CSGALNACT1: variants seen among roughly 807,000 people sequenced by gnomAD.
The protein encoded by CSGALNACT1 is chondroitin sulfate N-acetylgalactosaminyltransferase 1, also known as beta4GalNAcT-1.
CSGALNACT1 carries 52 observed loss-of-function variants against 51.0 expected under a neutral mutation model. That is an observed-to-expected ratio of 1.02 (90% confidence interval 0.82 to 1.29). The LOEUF (loss-of-function observed/expected upper bound fraction) is 1.29, where lower values mean the gene tolerates loss of function less well. Ranked by LOEUF, CSGALNACT1 falls within the 50% of genes most tolerant of loss-of-function variation. The pLI, the probability that CSGALNACT1 is intolerant of heterozygous loss-of-function variation, is 0.00. For synonymous variants in CSGALNACT1, 341 were observed against 254.4 expected (o/e 1.34, Z -3.24); for missense variants, 935 against 679.2 (o/e 1.38, Z -4.19).
At chr8:19,540,120 G>A (rs1423806017) in intron 3 of CSGALNACT1, among the ~76,000 whole-genome samples, 3 of 152,078 alleles carry the variant, frequency 2.0e-5, no homozygotes, top group East Asian at 3.8e-4. Context: ...TGAAAAAAAT[G>A]GCTATTCCCA....
At chr8:19,684,867 T>C (rs111272066), upstream of CSGALNACT1, among the ~76,000 whole-genome samples, 24 of 152,380 alleles carry the variant, frequency 1.6e-4, 2 homozygotes, top group African/African-American at 5.8e-4. Flanking sequence ...ATATTCACTT[T>C]GGTATGTAAT....
rs1470778388 is a variant in CSGALNACT1 at position 19,624,420 on chromosome 8, G to C, written c.-543-22555C>G. Among the ~76,000 whole-genome samples, 4 of 152,082 alleles carry C rather than the reference G, an allele frequency of 2.6e-5. No individual in the cohort carries two copies. In the East Asian group the frequency reaches 7.7e-4, roughly 29 times the overall value. ...TCCTGTAGCTAGTATAAACCATAAA[G>C]CATTTAGAACATAGAACAAAGATAA... On this transcript the variant is annotated intron_variant, in intron 1 of 9. Transcript: ENST00000332246.
intron 1 of CSGALNACT1, among the ~76,000 whole-genome samples, chr8:19,625,396 A>C (rs1439090956): frequency 6.6e-6 from 1 of 152,232 alleles, no homozygotes; most frequent in Non-Finnish European, 1.5e-5. Flanking sequence ...TACATGAAGA[A>C]ACTGAAGCAT....
chr8:19,539,510 G>C (rs1588040432), intron 3 of CSGALNACT1, among the ~76,000 whole-genome samples: 2 of 152,094 alleles, frequency 1.3e-5, no homozygotes, highest in South Asian at 4.1e-4. Flanking sequence ...TGACTGGAAG[G>C]GAATTTAAAG....
chr8:19,676,389 C>T (rs898701417), intron 1 of CSGALNACT1, among the ~76,000 whole-genome samples: 3 of 152,104 alleles, frequency 2.0e-5, no homozygotes, highest in Non-Finnish European at 4.4e-5. Context: ...TAAAAAAGAA[C>T]CCAGTGGAAA....
chr8:19,635,296 G>A (rs1352956727), intron 1 of CSGALNACT1, among the ~76,000 whole-genome samples: 1 of 152,226 alleles, frequency 6.6e-6, no homozygotes, highest in Admixed American at 6.5e-5. Flanking sequence ...GGGCAGGGAT[G>A]TGTTTGAGCT....
chr8:19,462,332 A>C (rs896761442), intron 4 of CSGALNACT1, among the ~76,000 whole-genome samples: 1 of 136,356 alleles, frequency 7.3e-6, no homozygotes, highest in Non-Finnish European at 1.6e-5. Context: ...AAATGTATGC[A>C]GGCAGAGGAA....
intron 3 of CSGALNACT1, among the ~76,000 whole-genome samples, chr8:19,545,870 TAA>T (rs1052184870): frequency 2.9e-4 from 43 of 148,484 alleles, no homozygotes; most frequent in East Asian, 7.8e-4. Flanking sequence ...ATATTATATA[TAA>T]GTTATATGCT....
chr8:19,442,699 C>T (rs187129427), intron 5 of CSGALNACT1, among the ~76,000 whole-genome samples: 18 of 136,008 alleles, frequency 1.3e-4, no homozygotes, highest in Non-Finnish European at 2.9e-4. Context: ...TGCACATGTA[C>T]CCTAAAACTT....
chr8:19,577,032 A>G (rs1432794596), intron 3 of CSGALNACT1, among the ~76,000 whole-genome samples: 2 of 151,998 alleles, frequency 1.3e-5, no homozygotes, highest in Non-Finnish European at 1.5e-5. Flanking sequence ...GCATGGAAAC[A>G]TCCAAACCCC....
chr8:19,629,251 G>A (rs1180175794), intron 1 of CSGALNACT1, among the ~76,000 whole-genome samples: 1 of 152,160 alleles, frequency 6.6e-6, no homozygotes, highest in Admixed American at 6.5e-5. Flanking sequence ...TCTGAGTTAG[G>A]ACAAAAGTAG....
At chr8:19,684,349 G>C (rs529977534), upstream of CSGALNACT1, among the ~76,000 whole-genome samples, 1 of 152,090 alleles carries the variant, frequency 6.6e-6, no homozygotes, top group African/African-American at 2.4e-5. Context: ...TTGAAGCAAC[G>C]GGTTAAGATT....
At chr8:19,688,259 T>A (rs1221591404) in intron 1 of CSGALNACT1, among the ~76,000 whole-genome samples, 1 of 152,110 alleles carries the variant, frequency 6.6e-6, no homozygotes, top group Non-Finnish European at 1.5e-5. Context: ...GGTAAGATCT[T>A]TGAGATCAGG....
intron 4 of CSGALNACT1, among the ~76,000 whole-genome samples, chr8:19,472,246 A>C (rs2068364172): frequency 1.3e-5 from 2 of 152,358 alleles, no homozygotes; most frequent in Non-Finnish European, 2.9e-5. Flanking sequence ...TTCCTCTGCA[A>C]ACACATTCGA....
intron 3 of CSGALNACT1, among the ~76,000 whole-genome samples, chr8:19,528,395 G>C (rs1261080685): frequency 3.3e-5 from 5 of 151,906 alleles, no homozygotes; most frequent in Non-Finnish European, 7.4e-5. Flanking sequence ...CCTCACACAA[G>C]TGATAAAGAG....
At chr8:19,541,936 T>A (rs1436662376) in intron 3 of CSGALNACT1, among the ~76,000 whole-genome samples, 3 of 152,098 alleles carry the variant, frequency 2.0e-5, no homozygotes, top group African/African-American at 7.2e-5. Flanking sequence ...TTGAATCTCA[T>A]AACATTTCAC....
At chr8:19,424,142 C>T (rs1233140904) in intron 6 of CSGALNACT1, among the ~76,000 whole-genome samples, 1 of 152,168 alleles carries the variant, frequency 6.6e-6, no homozygotes, top group African/African-American at 2.4e-5. Flanking sequence ...GACCACTCAC[C>T]AGGTCCTGAT....
intron 1 of CSGALNACT1, among the ~76,000 whole-genome samples, chr8:19,645,581 G>A (rs555293779): frequency 1.3e-5 from 2 of 152,212 alleles, no homozygotes; most frequent in African/African-American, 4.8e-5. Flanking sequence ...TGGGCGTAAG[G>A]TTGAGATCGT....
At chr8:19,712,172 C>T (rs1187093750) in intron 1 of CSGALNACT1, among the ~76,000 whole-genome samples, 2 of 152,096 alleles carry the variant, frequency 1.3e-5, no homozygotes, top group African/African-American at 2.4e-5. Context: ...ACTACAGGTT[C>T]GCGCCGCCAC....
Sources: allele counts gnomAD v4.1 joint callset (sites outside exome capture counted in the v4.1 genomes callset), GRCh38; gene constraint gnomAD v4.1.1; transcripts MANE v1.5; gene names NCBI Gene and HGNC (gene_info 2026-07-23, HGNC 2026-07-21).